The following ANXA6 variants were observed in gnomAD, a reference collection of about 807,000 sequenced individuals.
ANXA6 encodes 67 kDa calelectrin.
A neutral mutation model predicts 95.4 loss-of-function variants in ANXA6; 71 were observed. That is an observed-to-expected ratio of 0.74 (90% confidence interval 0.61 to 0.91). ANXA6 has a LOEUF of 0.91. Among genes scored for constraint, ANXA6 ranks in the 40% least tolerant of loss-of-function variants. The pLI, the probability that ANXA6 is intolerant of heterozygous loss-of-function variation, is 0.00. For synonymous variants in ANXA6, 289 were observed against 315.9 expected (o/e 0.91, Z 0.90); for missense variants, 830 against 876.4 (o/e 0.95, Z 0.67).
In ANXA6 at chr5:151,108,483, C is replaced by A; in HGVS notation, c.1752G>T (p.Gly584=). 6.2e-7 allele frequency: 1 copy of A among 1,613,952 alleles called. No individual in the cohort carries two copies. The highest frequency in any genetic ancestry group is 1.1e-5 in the South Asian group (1 of 91,088). The part of the protein sequence containing the change: ...VEHTIKKEMS[G]DVRDAFVAIV... ...TGGCCACAAATGCATCCCTGACATC[C>A]CCAGACATCTCCTTCTTGATGGTGT... The change falls in exon 23 of 26, where the codon GGG becomes GGT. Residue 584 remains glycine (G), a synonymous_variant. Transcript: ENST00000354546.
In ANXA6 at chr5:151,107,256, C is replaced by T. The variant is rs189656860; in HGVS notation, c.1780+1199G>A. Among the ~76,000 whole-genome samples the T allele has an allele frequency of 2.0e-5, 3 of 152,250 alleles. 1 individual carries two copies. Among genetic ancestry groups the T allele is most frequent in the Admixed American group, 2.0e-4 (3 of 15,292 alleles). ...AAGAGGCACCGTTCCAAGTGCTTTA[C>T]ATATAATTAACTAATTTCAGCCTCA... On this transcript the variant is annotated intron_variant, in intron 23 of 25. Coordinates refer to ENST00000354546, the MANE Select transcript of ANXA6 (RefSeq NM_001155.5).
chr5:151,112,699 C>T (rs922781500), intron 20 of ANXA6, among the ~76,000 whole-genome samples: 3 of 152,104 alleles, frequency 2.0e-5, no homozygotes, highest in Non-Finnish European at 4.4e-5. Context: ...TGGCGCACGC[C>T]GTTATTCCCA....
chr5:151,149,793 T>G (rs1192029710), intron 1 of ANXA6, among the ~76,000 whole-genome samples: 2 of 152,186 alleles, frequency 1.3e-5, no homozygotes, highest in Admixed American at 1.3e-4. Flanking sequence ...CTGATCTCTT[T>G]TAACAATGTC....
intron 17 of ANXA6, among the ~76,000 whole-genome samples, chr5:151,120,996 C>T (rs1765152564): frequency 6.6e-6 from 1 of 152,200 alleles, no homozygotes; most frequent in Non-Finnish European, 1.5e-5. Flanking sequence ...GTTGGGTTAC[C>T]TCATCGATCT....
In ANXA6 at chr5:151,101,128, GT is replaced by G; in HGVS notation, c.*319del. The G allele has an allele frequency of 1.9e-6, 1 of 535,276 alleles. No homozygotes were observed. The highest frequency in any genetic ancestry group is 3.5e-6 in the Non-Finnish European group (1 of 285,346). The allele number at this position is 535,276 out of a possible 1,614,324, so 33.2% of individuals were successfully genotyped here. On this transcript the variant is annotated 3_prime_UTR_variant, in exon 26 of 26. Coordinates refer to ENST00000354546, the MANE Select transcript of ANXA6 (RefSeq NM_001155.5). ...CATTTTACAGACAGAGGTTCAGGAT[GT>G]TTTTGGATCTGACATAGCCCAAACC...
intron 1 of ANXA6, among the ~76,000 whole-genome samples, chr5:151,149,492 A>T (rs1034228495): frequency 1.3e-5 from 2 of 152,002 alleles, no homozygotes; most frequent in African/African-American, 4.8e-5. Flanking sequence ...GGGCAATTTG[A>T]TCTCTTTTTT....
In ANXA6 at chr5:151,108,468, T is replaced by G. The variant is rs1255888326; in HGVS notation, c.1767A>C (p.Ala589=). The change falls in exon 23 of 26, where the codon GCA becomes GCC. Residue 589 remains alanine, a synonymous_variant. Transcript: ENST00000354546. ...KKEMSGDVRD[A]FVAIVQSVKN... is the part of the protein sequence containing the mutation. ...CCTGCCAGTTACCAATGGCCACAAA[T>G]GCATCCCTGACATCCCCAGACATCT... 22 of 1,613,758 alleles carry G rather than the reference T, an allele frequency of 1.4e-5. No homozygotes were observed. Among genetic ancestry groups the G allele is most frequent in the Middle Eastern group, 1.6e-4 (1 of 6,084 alleles).
chr5:151,140,009 G>T, intron 3 of ANXA6, 144 bp downstream of exon 3: 1 of 561,638 alleles, frequency 1.8e-6, no homozygotes, highest in South Asian at 3.5e-5. Context: ...ATAACATCAT[G>T]AAAATTAATA....
chr5:151,125,916 G>A (rs995243956), intron 14 of ANXA6, among the ~76,000 whole-genome samples: 1 of 152,170 alleles, frequency 6.6e-6, no homozygotes, highest in African/African-American at 2.4e-5. Context: ...GAGCTCCAAG[G>A]TCCCATGCTT....
At chr5:151,109,433 G>A (rs918869486) in intron 22 of ANXA6, among the ~76,000 whole-genome samples, 4 of 152,154 alleles carry the variant, frequency 2.6e-5, no homozygotes, top group Admixed American at 6.5e-5. Context: ...ATCATGACGC[G>A]GGACCCCAGA....
intron 13 of ANXA6, among the ~76,000 whole-genome samples, chr5:151,127,617 C>T (rs1765364054): frequency 6.6e-6 from 1 of 152,164 alleles, no homozygotes; most frequent in Admixed American, 6.5e-5. Flanking sequence ...AGAGTCTCCC[C>T]TTGGTCTGGG....
In ANXA6 at chr5:151,101,342, A is replaced by ACCCCCCCCCCCCC; in HGVS notation, c.*105_*106insGGGGGGGGGGGGG. Reference sequence around the variant, plus strand: ...AGAGCCCAACCCAACCCCTCCCCCCACCCCTGCCCCTTCCTTAGTCTCTGG... The same window carrying ACCCCCCCCCCCCC: ...AGAGCCCAACCCAACCCCTCCCCCCACCCCCCCCCCCCCCCCCTGCCCCTTCCTTAGTCTCTGG... On this transcript the variant is annotated 3_prime_UTR_variant, in exon 26 of 26. Coordinates refer to ENST00000354546, the MANE Select transcript of ANXA6 (RefSeq NM_001155.5). 1 of 146,856 alleles carries ACCCCCCCCCCCCC rather than the reference A, an allele frequency of 6.8e-6. No homozygotes were observed. The highest frequency in any genetic ancestry group is 1.4e-5 in the Non-Finnish European group (1 of 69,368). The allele number at this position is 146,856 out of a possible 1,614,324, so 9.1% of individuals were successfully genotyped here.
chr5:151,133,316 A>G, intron 8 of ANXA6, 129 bp from the exon 9 acceptor site: 1 of 639,552 alleles, frequency 1.6e-6, no homozygotes, highest in Non-Finnish European at 2.8e-6. Flanking sequence ...AGACCTTTGC[A>G]AATAAAACAG....
At chr5:151,151,361 G>A (rs140059188) in intron 1 of ANXA6, 2 of 152,278 alleles carry the variant, frequency 1.3e-5, no homozygotes, top group Admixed American at 1.3e-4. Context: ...AATAATCCAT[G>A]ACTCCAAGTC....
chr5:151,111,929 C>T (rs746618439), intron 20 of ANXA6, among the ~76,000 whole-genome samples: 2 of 152,150 alleles, frequency 1.3e-5, no homozygotes, highest in Non-Finnish European at 2.9e-5. Context: ...GCTGGGATTA[C>T]ATGTGCATGC....
At chr5:151,138,853 G>T in intron 4 of ANXA6, 62 bp from the exon 5 acceptor site, 1 of 1,151,916 alleles carries the variant, frequency 8.7e-7, no homozygotes, top group Non-Finnish European at 1.3e-6. Flanking sequence ...ACAACGGTAA[G>T]AATTACACTT....
At chr5:151,144,197 T>C (rs745383220) in intron 2 of ANXA6, among the ~76,000 whole-genome samples, 28 of 152,322 alleles carry the variant, frequency 1.8e-4, no homozygotes, top group Admixed American at 3.3e-4. Flanking sequence ...CTAGTGTGGT[T>C]TTCCTTACCC....
chr5:151,137,725 C>T (rs1266304945), intron 5 of ANXA6, among the ~76,000 whole-genome samples: 2 of 152,184 alleles, frequency 1.3e-5, no homozygotes, highest in East Asian at 1.9e-4. Context: ...ATGTGAGATG[C>T]CTGCTCCCTC....
At chr5:151,106,857 G>A (rs746547158) in intron 23 of ANXA6, among the ~76,000 whole-genome samples, 3 of 152,270 alleles carry the variant, frequency 2.0e-5, no homozygotes, top group South Asian at 2.1e-4. Context: ...ATGGGACCCC[G>A]ATGCCTGCCA....
Sources: allele counts gnomAD v4.1 joint callset (sites outside exome capture counted in the v4.1 genomes callset), GRCh38; gene constraint gnomAD v4.1.1; transcripts MANE v1.5; gene names NCBI Gene and HGNC (gene_info 2026-07-23, HGNC 2026-07-21).